Variants in CGREF1 observed in about 807,000 individuals in gnomAD.
CGREF1 encodes cell growth regulator with EF-hand domain 1, also known as cell growth regulator with EF hand domain protein 1.
A neutral mutation model predicts 17.4 loss-of-function variants in CGREF1; 16 were observed. The observed-to-expected ratio is 0.92, with a 90% confidence interval of 0.62 to 1.40. The LOEUF is 1.40. Ranked by LOEUF, CGREF1 falls within the 40% of genes most tolerant of loss-of-function variation. The pLI is 0.00. For missense variants in CGREF1, 296 were observed against 376.4 expected (o/e 0.79, Z 1.77); for synonymous variants, 142 against 154.6 (o/e 0.92, Z 0.61).
At chr2:27,115,389 A>G (rs1337472781) in intron 1 of CGREF1, among the ~76,000 whole-genome samples, 1 of 152,146 alleles carries the variant, frequency 6.6e-6, no homozygotes, top group African/African-American at 2.4e-5. Flanking sequence ...TTTAAACCCA[A>G]GCTCCACCAC....
At chr2:27,118,443 A>G (rs1243270254) in intron 1 of CGREF1, among the ~76,000 whole-genome samples, 1 of 152,124 alleles carries the variant, frequency 6.6e-6, no homozygotes. Flanking sequence ...CACACCCGGG[A>G]GCTGGTCCCT....
chr2:27,114,790 G>A (rs188175108), intron 1 of CGREF1, among the ~76,000 whole-genome samples: 60 of 152,240 alleles, frequency 3.9e-4, no homozygotes, highest in East Asian at 1.9e-4. Context: ...GCCAAGCTCC[G>A]GATAATTCTA....
chr2:27,100,912 C>A lies in CGREF1; in HGVS notation c.*362G>T. On this transcript the variant is annotated 3_prime_UTR_variant, in exon 6 of 6. Coordinates refer to ENST00000402394, the MANE Select transcript of CGREF1 (RefSeq NM_006569.6). ...CCAGGGATAGACTGAGCTTTCCTCA[C>A]TGGGTCCTCTGCAGCCGGCCATGGC... The A allele has an allele frequency of 1.8e-6, 2 of 1,093,010 alleles. No individual in the cohort carries two copies. Among genetic ancestry groups the A allele is most frequent in the Non-Finnish European group, 2.2e-6 (2 of 897,740 alleles). The allele number at this position is 1,093,010 out of a possible 1,614,324, so 67.7% of individuals were successfully genotyped here.
In CGREF1 at chr2:27,101,262, T is replaced by C. The variant is rs765880445; in HGVS notation, c.*12A>G. ...GCACTGAGACTTCGTGGGGTACCTG[T>C]ATCTTCAAGATCTAGATCTCATCAT... is the stretch of plus-strand genomic sequence containing the variant. On this transcript the variant is annotated 3_prime_UTR_variant, in exon 6 of 6. Coordinates refer to ENST00000402394, the MANE Select transcript of CGREF1 (RefSeq NM_006569.6). The C allele has an allele frequency of 2.6e-6, 4 of 1,532,394 alleles. No individual in the cohort carries two copies. The highest frequency in any genetic ancestry group is 1.8e-4 in the Middle Eastern group (1 of 5,648). 94.9% of individuals were successfully genotyped at this position (1,532,394 alleles called of 1,614,324 possible). A position where few individuals can be genotyped will look rare whatever the true frequency, so the allele number is the denominator to read the frequency against.
chr2:27,100,515 G>A (rs990611110), downstream of CGREF1: 7 of 1,290,858 alleles, frequency 5.4e-6, no homozygotes, highest in Non-Finnish European at 6.1e-6. Context: ...TGGAATTGGG[G>A]CCAACTCCAA....
intron 1 of CGREF1, among the ~76,000 whole-genome samples, chr2:27,111,131 T>G (rs1426014907): frequency 6.6e-6 from 1 of 152,204 alleles, no homozygotes; most frequent in Non-Finnish European, 1.5e-5. Flanking sequence ...CTGCTTTTAT[T>G]CTCTTATCCG....
downstream of CGREF1, chr2:27,099,375 G>A: frequency 1.2e-6 from 2 of 1,612,256 alleles, no homozygotes; most frequent in South Asian, 1.1e-5. Context: ...GATGGCTGGG[G>A]GGACGGGGTG....
intron 1 of CGREF1, among the ~76,000 whole-genome samples, chr2:27,107,074 C>T (rs1028203013): frequency 1.3e-5 from 2 of 152,160 alleles, no homozygotes; most frequent in Non-Finnish European, 2.9e-5. Context: ...ATCCAGGCCT[C>T]AAAGAATTTC....
chr2:27,104,969 T>C (rs963656053), intron 1 of CGREF1, among the ~76,000 whole-genome samples: 3 of 152,334 alleles, frequency 2.0e-5, no homozygotes, highest in East Asian at 1.9e-4. Context: ...GCCCCAGGAA[T>C]TGCTATTTGC....
At chr2:27,117,926 A>G (rs1485567493) in intron 1 of CGREF1, among the ~76,000 whole-genome samples, 2 of 151,976 alleles carry the variant, frequency 1.3e-5, no homozygotes, top group Admixed American at 6.6e-5. Flanking sequence ...CACCGTGTTA[A>G]CCAGGATGGT....
At chr2:27,104,245 C>T in intron 2 of CGREF1, 42 bp downstream of exon 2, 2 of 1,517,338 alleles carry the variant, frequency 1.3e-6, no homozygotes, top group Non-Finnish European at 1.8e-6. Context: ...TAGAGACTTT[C>T]CCTCCTCCCA....
At chr2:27,102,264 G>A (rs769563124) in intron 4 of CGREF1, 43 bp from the exon 5 acceptor site, 3 of 1,611,318 alleles carry the variant, frequency 1.9e-6, no homozygotes, top group South Asian at 2.2e-5. Context: ...GCCGGGGGAG[G>A]TGGAGAAGGC....
At chr2:27,117,553 CCCT>C (rs1465446119) in intron 1 of CGREF1, among the ~76,000 whole-genome samples, 1 of 152,160 alleles carries the variant, frequency 6.6e-6, no homozygotes, top group Non-Finnish European at 1.5e-5. Flanking sequence ...TTCACAATGA[CCCT>C]CCGGCCCCAG....
chr2:27,102,313 G>GT, intron 4 of CGREF1, 47 bp downstream of exon 4: 1 of 1,612,974 alleles, frequency 6.2e-7, no homozygotes, highest in East Asian at 2.2e-5. Context: ...CCCAGATCTG[G>GT]CTGCCCAGAG....
intron 1 of CGREF1, among the ~76,000 whole-genome samples, chr2:27,111,378 G>A (rs1474316558): frequency 6.6e-6 from 1 of 152,212 alleles, no homozygotes; most frequent in Non-Finnish European, 1.5e-5. Context: ...GCCAACTGGC[G>A]TATTTACAAT....
In CGREF1 at chr2:27,117,680, A is replaced by C. The variant is rs925640120; in HGVS notation, c.-12+1166T>G. 1.8e-4 allele frequency among the ~76,000 whole-genome samples: 27 copies of C among 150,652 alleles called. 1 individual carries two copies. The highest frequency in any genetic ancestry group is 6.6e-4 in the African/African-American group (27 of 40,920). On this transcript the variant is annotated intron_variant, in intron 1 of 5. Transcript: ENST00000402394. ...ACTGTGGGACCTAGGCAGGTGTCTTAACCTCTCTGAGCCCTGGGATCTGAA... is the reference window on the plus strand; with the variant it reads ...ACTGTGGGACCTAGGCAGGTGTCTTCACCTCTCTGAGCCCTGGGATCTGAA...
chr2:27,111,582 G>A (rs900482162), intron 1 of CGREF1, among the ~76,000 whole-genome samples: 4 of 152,204 alleles, frequency 2.6e-5, no homozygotes, highest in African/African-American at 9.6e-5. Context: ...TCGTTGGGAG[G>A]CTTGGGCCGT....
rs377352038 is a variant in CGREF1 at position 27,107,804 on chromosome 2, G to T, written c.-11-3427C>A. Among the ~76,000 whole-genome samples the T allele has an allele frequency of 9.4e-5, 13 of 138,664 alleles. No individual in the cohort carries two copies. In the South Asian group the frequency reaches 3.0e-3, roughly 32 times the overall value. The allele number at this position is 138,664 out of a possible 152,430, so 91.0% of individuals were successfully genotyped here. A position where few individuals can be genotyped will look rare whatever the true frequency, so the allele number is the denominator to read the frequency against. ...AAAAAATTAGCCAGGCGTGGTGGTG[G>T]GCACCTGTAATCCCAGCTACTCGGG... On this transcript the variant is annotated intron_variant, in intron 1 of 5. Coordinates refer to ENST00000402394, the MANE Select transcript of CGREF1 (RefSeq NM_006569.6).
chr2:27,101,560 T>G lies in CGREF1; in HGVS notation c.671A>C (p.Glu224Ala). 1 of 1,612,842 alleles carries G rather than the reference T, an allele frequency of 6.2e-7. No homozygotes were observed. The highest frequency in any genetic ancestry group is 8.5e-7 in the Non-Finnish European group (1 of 1,179,792). The change falls in exon 6 of 6, where the codon GAA (glutamate) becomes GCA (alanine). Residue 224 changes from glutamate to alanine, a missense_variant. Physicochemically the swap from Glu to Ala is moderately radical, Grantham distance 107. Transcript: ENST00000402394. ...ADGDVPGPRG[E>A]AEGQAEAKGD... ...TTTAGCCTCTGCCTGGCCCTCAGCT[T>G]CCCCTCTGGGCCCTGGAACATCTCC...
Sources: allele counts gnomAD v4.1 joint callset (sites outside exome capture counted in the v4.1 genomes callset), GRCh38; gene constraint gnomAD v4.1.1; transcripts MANE v1.5; gene names NCBI Gene and HGNC (gene_info 2026-07-23, HGNC 2026-07-21).